TRABD2B: variants seen among roughly 807,000 people sequenced by gnomAD.
The protein encoded by TRABD2B is metalloprotease TIKI2.
Under a neutral mutation model 40.1 loss-of-function variants are expected in TRABD2B, and 14 were observed. That is an observed-to-expected ratio of 0.35 (90% CI 0.23 to 0.55). TRABD2B has a LOEUF of 0.55. Ranked by LOEUF, TRABD2B falls within the 20% of genes least tolerant of loss-of-function variation. The pLI is 0.90. For synonymous variants in TRABD2B, 263 were observed against 277.0 expected (o/e 0.95, Z 0.50); for missense variants, 541 against 648.6 (o/e 0.83, Z 1.80).
intron 2 of TRABD2B, among the ~76,000 whole-genome samples, chr1:47,965,200 G>GC (rs1645580878): frequency 9.4e-6 from 1 of 106,936 alleles, no homozygotes; most frequent in African/African-American, 3.8e-5. Context: ...TTGGCGGGGG[G>GC]CGGGGGGGGG....
chr1:47,918,692 CGGAA>C (rs1644861889), intron 2 of TRABD2B, among the ~76,000 whole-genome samples: 1 of 114,670 alleles, frequency 8.7e-6, no homozygotes, highest in South Asian at 3.4e-4. Flanking sequence ...AAGACGGGGA[CGGAA>C]AGAAAGGACT....
At chr1:47,922,219 T>A (rs1489714237) in intron 2 of TRABD2B, among the ~76,000 whole-genome samples, 1 of 152,150 alleles carries the variant, frequency 6.6e-6, no homozygotes. Context: ...GTGGCTAACA[T>A]GTACCTAGCC....
intron 2 of TRABD2B, among the ~76,000 whole-genome samples, chr1:47,896,704 G>A (rs1644527351): frequency 6.6e-6 from 1 of 152,130 alleles, no homozygotes; most frequent in South Asian, 2.1e-4. Flanking sequence ...TCTCGGCCTG[G>A]GGAATACAGT....
chr1:47,904,048 G>A (rs1644641652), intron 2 of TRABD2B, among the ~76,000 whole-genome samples: 1 of 152,194 alleles, frequency 6.6e-6, no homozygotes, highest in Admixed American at 6.5e-5. Context: ...GAAAAGAGAT[G>A]GGCATATTTC....
chr1:47,883,715 G>A (rs888143455), intron 2 of TRABD2B, among the ~76,000 whole-genome samples: 1 of 152,208 alleles, frequency 6.6e-6, no homozygotes, highest in Non-Finnish European at 1.5e-5. Flanking sequence ...CAACTACAGG[G>A]AGGCAGATGC....
intron 2 of TRABD2B, among the ~76,000 whole-genome samples, chr1:47,815,575 A>T (rs946830502): frequency 7.2e-5 from 11 of 152,156 alleles, no homozygotes; most frequent in Admixed American, 3.3e-4. Context: ...CAGCCCAAGC[A>T]TCCATCCTGC....
intron 2 of TRABD2B, among the ~76,000 whole-genome samples, chr1:47,859,442 T>TAA (rs769172273): frequency 2.6e-5 from 4 of 152,244 alleles, no homozygotes; most frequent in Admixed American, 1.3e-4. Flanking sequence ...CCTCCTTTTA[T>TAA]ACTTCTTCCC....
intron 2 of TRABD2B, among the ~76,000 whole-genome samples, chr1:47,826,092 G>T (rs1645170066): frequency 6.6e-6 from 1 of 152,210 alleles, no homozygotes; most frequent in African/African-American, 2.4e-5. Context: ...GAGGTTGGAA[G>T]GTCGCATGTA....
chr1:47,834,180 A>C (rs1645287452), intron 2 of TRABD2B, among the ~76,000 whole-genome samples: 1 of 152,136 alleles, frequency 6.6e-6, no homozygotes, highest in South Asian at 2.1e-4. Flanking sequence ...ATTTGATCTG[A>C]CCTAAAGCTT....
intron 2 of TRABD2B, among the ~76,000 whole-genome samples, chr1:47,860,435 T>C (rs1341804168): frequency 4.6e-5 from 7 of 152,326 alleles, no homozygotes; most frequent in African/African-American, 1.4e-4. Flanking sequence ...TCTCCTGGCA[T>C]AGGACTGTAC....
chr1:47,893,011 A>C (rs1369443223), intron 2 of TRABD2B, among the ~76,000 whole-genome samples: 1 of 152,204 alleles, frequency 6.6e-6, no homozygotes, highest in Non-Finnish European at 1.5e-5. Flanking sequence ...ACAGAAGTAC[A>C]TAAATGGTGC....
At chr1:47,766,517 G>A (rs552897228) in intron 6 of TRABD2B, among the ~76,000 whole-genome samples, 3 of 152,190 alleles carry the variant, frequency 2.0e-5, no homozygotes, top group Non-Finnish European at 2.9e-5. Context: ...GCCAAAACAC[G>A]CAGAAAACAA....
intron 4 of TRABD2B, among the ~76,000 whole-genome samples, chr1:47,782,498 A>G (rs3850886): frequency 0.6 from 90,694 of 152,094 alleles, 27,276 homozygotes; most frequent in East Asian, 0.77. Context: ...ATCCCCAGAG[A>G]TAAACTCAAG....
At position 47,813,499 on chromosome 1, in the gene TRABD2B, G is replaced by C. The variant is rs767623811; in HGVS notation, c.667-11880C>G. On this transcript the variant is annotated intron_variant, in intron 2 of 6. Transcript: ENST00000606738. This position sits in a 1 kb window ranked among gnomAD's most constrained non-coding sequence, Gnocchi z 4.3. ...GCTGAAAGGGCAGAGATCTGACCCA[G>C]TTTTAAACCTAGGACCTGCTACATG... Among the ~76,000 whole-genome samples, 66 of 152,202 alleles carry C rather than the reference G, an allele frequency of 4.3e-4. No individual in the cohort carries two copies. The highest frequency in any genetic ancestry group is 8.1e-4 in the Non-Finnish European group (55 of 68,044).
intron 2 of TRABD2B, among the ~76,000 whole-genome samples, chr1:47,856,649 T>C (rs1241095076): frequency 6.6e-6 from 1 of 152,172 alleles, no homozygotes; most frequent in Admixed American, 6.5e-5. Context: ...ACTCCAACCA[T>C]GCACCCACCC....
At chr1:47,880,228 A>T (rs1420693099) in intron 2 of TRABD2B, among the ~76,000 whole-genome samples, 1 of 152,158 alleles carries the variant, frequency 6.6e-6, no homozygotes, top group African/African-American at 2.4e-5. Flanking sequence ...AGGCAGGAGA[A>T]TTGCTTGAGC....
chr1:47,936,309 C>T (rs1318122290), intron 2 of TRABD2B, among the ~76,000 whole-genome samples: 4 of 152,306 alleles, frequency 2.6e-5, no homozygotes, highest in African/African-American at 9.6e-5. Flanking sequence ...AAGAGCAGCC[C>T]TACATTAGGG....
At chr1:47,784,557 C>G (rs1180743572) in intron 4 of TRABD2B, among the ~76,000 whole-genome samples, 1 of 152,206 alleles carries the variant, frequency 6.6e-6, no homozygotes, top group Non-Finnish European at 1.5e-5. Flanking sequence ...AGAGGCATCC[C>G]AAGCCCATAT....
intron 2 of TRABD2B, 86 bp downstream of exon 2, chr1:47,993,948 C>A (rs983363071): frequency 7.3e-7 from 1 of 1,365,050 alleles, no homozygotes; most frequent in Non-Finnish European, 9.7e-7. Context: ...CTGCCTCCCC[C>A]TCCCCCTCGG....
Sources: allele counts gnomAD v4.1 joint callset (sites outside exome capture counted in the v4.1 genomes callset), GRCh38; gene constraint gnomAD v4.1.1; non-coding constraint Gnocchi (gnomAD v3.1); transcripts MANE v1.5; gene names NCBI Gene and HGNC (gene_info 2026-07-23, HGNC 2026-07-21).